The following CRTC3 variants were observed in gnomAD, a reference collection of about 807,000 sequenced individuals.
CRTC3 encodes CREB-regulated transcription coactivator 3.
A neutral mutation model predicts 74.5 loss-of-function variants in CRTC3; 26 were observed. That is an observed-to-expected ratio of 0.35 (90% CI 0.26 to 0.48). The LOEUF (loss-of-function observed/expected upper bound fraction) is 0.48. CRTC3 is among the 20% of genes least tolerant of loss of function. The probability of loss-of-function intolerance (pLI) is 0.99; values close to 1 mark genes in which losing one functional copy is unlikely to be tolerated. For missense variants in CRTC3, 760 were observed against 787.3 expected, an observed-to-expected ratio of 0.97 and a Z score of 0.41; for synonymous variants, 377 against 325.8, an observed-to-expected ratio of 1.16 and a Z score of -1.69.
At chr15:90,600,865 T>G (rs1424851341) in intron 3 of CRTC3, among the ~76,000 whole-genome samples, 1 of 152,208 alleles carries the variant, frequency 6.6e-6, no homozygotes. Flanking sequence ...ACAAAAGGAA[T>G]GGGCTTGGTT....
chr15:90,641,026 A>C (rs972612222), intron 13 of CRTC3, 71 bp from the exon 14 acceptor site: 1 of 957,986 alleles, frequency 1.0e-6, no homozygotes, highest in African/African-American at 1.6e-5. Flanking sequence ...CTCTGGGAGC[A>C]CATTGCAATA....
intron 11 of CRTC3, among the ~76,000 whole-genome samples, chr15:90,635,865 C>A (rs1596149364): frequency 6.6e-6 from 1 of 152,030 alleles, no homozygotes; most frequent in African/African-American, 2.4e-5. Context: ...TGAAGGACCT[C>A]TTCAAGGAGA....
intron 11 of CRTC3, 22 bp from the exon 12 acceptor site, chr15:90,638,424 G>C: frequency 6.2e-7 from 1 of 1,608,714 alleles, no homozygotes; most frequent in Non-Finnish European, 8.5e-7. Flanking sequence ...CTCATTAGTG[G>C]CTTTGTGTGT....
intron 2 of CRTC3, among the ~76,000 whole-genome samples, chr15:90,552,582 G>T (rs1032892518): frequency 6.6e-6 from 1 of 152,142 alleles, no homozygotes; most frequent in African/African-American, 2.4e-5. Flanking sequence ...TGATAAAGAT[G>T]ACTCGGGCAG....
intron 6 of CRTC3, among the ~76,000 whole-genome samples, chr15:90,612,981 C>T (rs1160089293): frequency 1.3e-5 from 2 of 151,994 alleles, no homozygotes; most frequent in African/African-American, 4.8e-5. Context: ...GACAGATTAC[C>T]TGAGGTCAGG....
chr15:90,552,634 A>G (rs1006022124), intron 2 of CRTC3, among the ~76,000 whole-genome samples: 2 of 152,092 alleles, frequency 1.3e-5, no homozygotes, highest in African/African-American at 4.8e-5. Flanking sequence ...CACTCTTTTA[A>G]TCTATGATTT....
At chr15:90,618,027 T>C (rs1018285557) in intron 8 of CRTC3, 59 bp downstream of exon 8, 44 of 1,163,584 alleles carry the variant, frequency 3.8e-5, no homozygotes, top group Admixed American at 5.3e-5. Flanking sequence ...TTAGAGGTCA[T>C]TGAAAAATCC....
rs375397418 is a variant in CRTC3 at position 90,629,354 on chromosome 15, C to G, written c.1088C>G (p.Ser363Trp). The change falls in exon 11 of 15, where the codon TCG becomes TGG. Residue 363 changes from serine to tryptophan, a missense_variant. Ser to Trp is a radical substitution (Grantham distance 177). Coordinates refer to ENST00000268184, the MANE Select transcript of CRTC3 (RefSeq NM_022769.5). ...CCCAACGCATCTGCTCTTCACCCTT[C>G]GCTCCGTCTGTTTTCCCTTAGCAAC... ...SVPNASALHP[S>W]LRLFSLSNPS... is the part of the protein sequence containing the mutation. The G allele has an allele frequency of 1.2e-6, 2 of 1,614,022 alleles. No individual in the cohort carries two copies. Among genetic ancestry groups the G allele is most frequent in the Non-Finnish European group, 1.7e-6 (2 of 1,180,038 alleles).
chr15:90,631,650 C>T (rs545419606), intron 11 of CRTC3, among the ~76,000 whole-genome samples: 1 of 151,684 alleles, frequency 6.6e-6, no homozygotes, highest in East Asian at 2.0e-4. Context: ...ATTGCTTGCA[C>T]CCTGGAGGTG....
intron 9 of CRTC3, chr15:90,624,801 A>G (rs1968772645): frequency 6.6e-6 from 1 of 152,372 alleles, no homozygotes; most frequent in Admixed American, 6.5e-5. Flanking sequence ...CGCCCTTGAG[A>G]GGGCTTCATT....
chr15:90,581,336 A>G (rs1596099595), intron 2 of CRTC3, among the ~76,000 whole-genome samples: 1 of 152,364 alleles, frequency 6.6e-6, no homozygotes, highest in Non-Finnish European at 1.5e-5. Flanking sequence ...AATATGCTTT[A>G]TTTAGAATTA....
rs529665878 is a variant in CRTC3, at chr15:90,550,634, C to T, written c.231+10497C>T. Among the ~76,000 whole-genome samples the T allele has an allele frequency of 2.6e-5, 4 of 152,118 alleles. No homozygotes were observed. The South Asian group carries it at 8.3e-4, about 32-fold the overall frequency. Reference sequence around the variant, plus strand: ...AGCAGCCTTTGAAATCTCATTTGTCCTCATGCAGATAATCCAGTTCTGTGT... The same window carrying T: ...AGCAGCCTTTGAAATCTCATTTGTCTTCATGCAGATAATCCAGTTCTGTGT... On this transcript the variant is annotated intron_variant, in intron 2 of 14. Coordinates refer to ENST00000268184, the MANE Select transcript of CRTC3 (RefSeq NM_022769.5).
chr15:90,644,865 T>A lies in CRTC3; in HGVS notation c.*2725T>A, dbSNP rs1239752106. On this transcript the variant is annotated 3_prime_UTR_variant, in exon 15 of 15. Coordinates refer to ENST00000268184, the MANE Select transcript of CRTC3 (RefSeq NM_022769.5). ...TTTTGTCACAAGAAATCGACCATTG[T>A]ACTACTCTCACTTACAGCAGTTAAA... 1 of 232,454 alleles carries A rather than the reference T, an allele frequency of 4.3e-6. No homozygotes were observed. Among genetic ancestry groups the A allele is most frequent in the South Asian group, 1.8e-4 (1 of 5,528 alleles). 14.4% of individuals were successfully genotyped at this position (232,454 alleles called of 1,614,324 possible).
chr15:90,589,624 G>A (rs1265035372), intron 2 of CRTC3, among the ~76,000 whole-genome samples: 3 of 152,180 alleles, frequency 2.0e-5, no homozygotes, highest in Non-Finnish European at 2.9e-5. Flanking sequence ...CTCCCGCAAT[G>A]CTAGGATTAT....
At chr15:90,549,507 G>A (rs1360486625) in intron 2 of CRTC3, among the ~76,000 whole-genome samples, 1 of 152,074 alleles carries the variant, frequency 6.6e-6, no homozygotes, top group Non-Finnish European at 1.5e-5. Context: ...TGGGTACCAT[G>A]GCTCACGCCT....
intron 2 of CRTC3, among the ~76,000 whole-genome samples, chr15:90,550,705 T>C (rs1966853987): frequency 6.6e-6 from 1 of 152,092 alleles, no homozygotes; most frequent in Non-Finnish European, 1.5e-5. Context: ...TTTTTTGTTA[T>C]TTCAAGGTAA....
At chr15:90,596,072 T>C (rs1296809350) in intron 3 of CRTC3, 2 of 152,012 alleles carry the variant, frequency 1.3e-5, no homozygotes, top group African/African-American at 4.8e-5. Context: ...GGATAAGAAG[T>C]AAGAGGATAA....
chr15:90,560,254 G>T (rs116127934), intron 2 of CRTC3, among the ~76,000 whole-genome samples: 1,850 of 152,240 alleles, frequency 0.012, 37 homozygotes, highest in African/African-American at 0.042. Context: ...ATTCAGTCAG[G>T]ACACCTCTAA....
intron 2 of CRTC3, among the ~76,000 whole-genome samples, chr15:90,561,375 G>A (rs1183081072): frequency 6.6e-6 from 1 of 152,114 alleles, no homozygotes; most frequent in Admixed American, 6.6e-5. Context: ...ATGTCATACA[G>A]GCTAGTTGCA....
Sources: gnomAD v4.1 joint callset for allele counts (sites outside exome capture counted in the v4.1 genomes callset) on GRCh38, gnomAD v4.1.1 for gene constraint, MANE v1.5 for transcripts, NCBI Gene and HGNC (gene_info 2026-07-23, HGNC 2026-07-21) for gene names.